ADK: variants seen among roughly 807,000 people sequenced by gnomAD.
ADK encodes the protein N6,N6-dimethyladenosine kinase.
ADK carries 24 observed loss-of-function variants against 44.7 expected under a neutral mutation model. The observed-to-expected ratio is 0.54, with a 90% CI of 0.39 to 0.76. The LOEUF (loss-of-function observed/expected upper bound fraction) is 0.76, where lower values mean the gene tolerates loss of function less well. Ranked by LOEUF, ADK falls within the 30% of genes least tolerant of loss-of-function variation. The pLI, the probability that ADK is intolerant of heterozygous loss-of-function variation, is 0.00. For missense variants in ADK, 321 were observed against 425.1 expected (o/e 0.76, Z 2.15); for synonymous variants, 128 against 142.6 (o/e 0.90, Z 0.73).
At chr10:74,535,589 T>TC (rs1849422406) in intron 7 of ADK, among the ~76,000 whole-genome samples, 1 of 150,996 alleles carries the variant, frequency 6.6e-6, no homozygotes, top group Non-Finnish European at 1.5e-5. Flanking sequence ...TATTTTTTTT[T>TC]TTTTTTTTTT....
chr10:74,471,037 G>A (rs1053405548), intron 6 of ADK, among the ~76,000 whole-genome samples: 1 of 151,312 alleles, frequency 6.6e-6, no homozygotes, highest in Non-Finnish European at 1.5e-5. Context: ...ATTTCTCAAA[G>A]AAACTATCCT....
rs533071959 is a variant in ADK at position 74,176,338 on chromosome 10, C to A, written c.66-24426C>A. ...CTTCCCAGGCTGTTGCTTTTTTTCC[C>A]CCCACCTTTGCAGATGGATTTTGCA... On this transcript the variant is annotated intron_variant, in intron 1 of 10. Transcript: ENST00000539909. Among the ~76,000 whole-genome samples, 20 of 152,196 alleles carry A rather than the reference C, an allele frequency of 1.3e-4. No individual in the cohort carries two copies. The South Asian group carries it at 4.2e-3, about 32-fold the overall frequency.
rs35141788 is a variant in ADK at position 74,431,066 on chromosome 10, C to CAAAAAAA, written c.555+32506_555+32512dup. On this transcript the variant is annotated intron_variant, in intron 6 of 10. Transcript: ENST00000539909. Reference sequence around the variant, plus strand: ...TGGGCGACAGAGCGAGACTCCGTCTCAAAAAAAAAAAAAAAAAAAAAAAAA... The same window carrying CAAAAAAA: ...TGGGCGACAGAGCGAGACTCCGTCTCAAAAAAAAAAAAAAAAAAAAAAAAAAAAAAAA... Among the ~76,000 whole-genome samples the CAAAAAAA allele has an allele frequency of 5.2e-5, 3 of 57,258 alleles. 1 individual carries two copies. The highest frequency in any genetic ancestry group is 8.1e-5 in the African/African-American group (1 of 12,342). 37.6% of individuals were successfully genotyped at this position (57,258 alleles called of 152,430 possible). A position where few individuals can be genotyped will look rare whatever the true frequency, so the allele number is the denominator to read the frequency against.
intron 3 of ADK, among the ~76,000 whole-genome samples, chr10:74,241,547 G>T (rs1297238877): frequency 6.6e-6 from 1 of 152,030 alleles, no homozygotes; most frequent in Non-Finnish European, 1.5e-5. Flanking sequence ...TACCATGACC[G>T]GCAAATTTTT....
At position 74,224,610 on chromosome 10, in the gene ADK, T is replaced by G; in HGVS notation, c.194+19T>G. The G allele has an allele frequency of 6.2e-7, 1 of 1,603,758 alleles. No homozygotes were observed. Among genetic ancestry groups the G allele is most frequent in the Non-Finnish European group, 8.5e-7 (1 of 1,170,810 alleles). On this transcript the variant is annotated intron_variant, in intron 3 of 10. Coordinates refer to ENST00000539909, the MANE Select transcript of ADK (RefSeq NM_006721.4). ...AGGAACTGTAAGTGCATTAAACCAT[T>G]GGTTGTAAATAGTTTACTCTGTCTA...
chr10:74,404,431 G>T (rs1360232000), intron 6 of ADK, among the ~76,000 whole-genome samples: 1 of 151,948 alleles, frequency 6.6e-6, no homozygotes, highest in African/African-American at 2.4e-5. Flanking sequence ...TGCCTAGAGG[G>T]CATTCTTTAA....
intron 2 of ADK, among the ~76,000 whole-genome samples, chr10:74,219,392 A>G (rs1844197917): frequency 6.6e-6 from 1 of 152,168 alleles, no homozygotes; most frequent in South Asian, 2.1e-4. Flanking sequence ...ACCTACAAAG[A>G]GACTTAGACT....
At chr10:74,166,785 C>G (rs895179950) in intron 1 of ADK, among the ~76,000 whole-genome samples, 2 of 151,754 alleles carry the variant, frequency 1.3e-5, no homozygotes, top group African/African-American at 2.4e-5. Context: ...TTCCATGAAG[C>G]TTTTTAAGCT....
chr10:74,670,376 TA>T, intron 10 of ADK, 107 bp downstream of exon 10: 2 of 837,382 alleles, frequency 2.4e-6, no homozygotes, highest in Non-Finnish European at 3.9e-6. Context: ...TTTCTTCTTT[TA>T]AATAATTAAC....
intron 4 of ADK, among the ~76,000 whole-genome samples, chr10:74,336,918 A>G (rs1841428853): frequency 1.3e-5 from 2 of 151,998 alleles, no homozygotes; most frequent in Admixed American, 1.3e-4. Flanking sequence ...ACAACTATCC[A>G]TTTCCCCCAC....
intron 9 of ADK, among the ~76,000 whole-genome samples, chr10:74,619,775 CA>C (rs1852914888): frequency 6.6e-6 from 1 of 152,194 alleles, no homozygotes; most frequent in Admixed American, 6.5e-5. Flanking sequence ...GGCCAGAGTG[CA>C]GTGGCGTGAT....
chr10:74,217,025 G>C (rs1844067292), intron 2 of ADK, among the ~76,000 whole-genome samples: 1 of 152,240 alleles, frequency 6.6e-6, no homozygotes, highest in Non-Finnish European at 1.5e-5. Flanking sequence ...GCGCAGGTCA[G>C]TGCGTGCAGC....
chr10:74,470,221 C>T (rs939890606), intron 6 of ADK, among the ~76,000 whole-genome samples: 1 of 151,894 alleles, frequency 6.6e-6, no homozygotes, highest in African/African-American at 2.4e-5. Flanking sequence ...GACAGGGTTT[C>T]ACCACATTGG....
intron 6 of ADK, among the ~76,000 whole-genome samples, chr10:74,459,803 T>C (rs138458437): frequency 5.3e-4 from 80 of 151,662 alleles, no homozygotes; most frequent in Admixed American, 2.2e-3. Flanking sequence ...AAGTCAAACA[T>C]TTTTACTGCT....
intron 3 of ADK, among the ~76,000 whole-genome samples, chr10:74,224,854 G>A (rs937630856): frequency 2.0e-5 from 3 of 152,146 alleles, no homozygotes; most frequent in African/African-American, 7.2e-5. Flanking sequence ...TGGGAAATAT[G>A]TCATGCTATT....
intron 9 of ADK, among the ~76,000 whole-genome samples, chr10:74,611,082 C>A (rs922381226): frequency 6.6e-6 from 1 of 152,074 alleles, no homozygotes; most frequent in African/African-American, 2.4e-5. Flanking sequence ...AGCTGGAGTA[C>A]AATGACACAA....
chr10:74,359,913 T>C (rs2131938259), intron 4 of ADK, among the ~76,000 whole-genome samples: 1 of 152,248 alleles, frequency 6.6e-6, no homozygotes, highest in East Asian at 1.9e-4. Flanking sequence ...TTGTAAATGG[T>C]TTGCTTTCTT....
chr10:74,650,190 C>T (rs959153351), intron 9 of ADK, among the ~76,000 whole-genome samples: 9 of 152,202 alleles, frequency 5.9e-5, no homozygotes, highest in Admixed American at 2.6e-4. Flanking sequence ...GAGGCTGAGG[C>T]GGGCAGATCA....
intron 9 of ADK, among the ~76,000 whole-genome samples, chr10:74,654,196 T>C (rs1854391722): frequency 6.6e-6 from 1 of 152,192 alleles, no homozygotes; most frequent in South Asian, 2.1e-4. Context: ...ACCATTGTGC[T>C]CAGAAGGAGA....
Sources: allele counts gnomAD v4.1 joint callset (sites outside exome capture counted in the v4.1 genomes callset), GRCh38; gene constraint gnomAD v4.1.1; transcripts MANE v1.5; gene names NCBI Gene and HGNC (gene_info 2026-07-23, HGNC 2026-07-21).